C6orf132: variants seen among roughly 807,000 people sequenced by gnomAD.
C6orf132 encodes uncharacterized protein C6orf132.
C6orf132 carries 43 observed loss-of-function variants against 65.3 expected under a neutral mutation model. The ratio of observed to expected loss-of-function variants is 0.66; its 90% confidence interval spans 0.52 to 0.85. The LOEUF (loss-of-function observed/expected upper bound fraction) is 0.85. Among genes scored for constraint, C6orf132 ranks in the 40% least tolerant of loss-of-function variants. C6orf132 has a pLI of 0.00. For synonymous variants in C6orf132, 631 were observed against 654.1 expected (o/e 0.96, Z 0.54); for missense variants, 1,488 against 1,548.8 (o/e 0.96, Z 0.66).
At position 42,124,428 on chromosome 6, in the gene C6orf132, G is replaced by A. The variant is rs1766734955; in HGVS notation, c.252+4244C>T. Among the ~76,000 whole-genome samples, 1 of 152,232 alleles carries A rather than the reference G, an allele frequency of 6.6e-6. No homozygotes were observed. Among genetic ancestry groups the A allele is most frequent in the African/African-American group, 2.4e-5 (1 of 41,468 alleles). On this transcript the variant is annotated intron_variant, in intron 2 of 4. Coordinates refer to ENST00000341865, the MANE Select transcript of C6orf132 (RefSeq NM_001164446.3). This position sits in a 1 kb window ranked among gnomAD's most constrained non-coding sequence, Gnocchi z 4.0. ...CTGTAGGGCACTGACAGGGAGGGTAGGCTCAGAAGATGGCCCAGGCCTGGA... is the reference window on the plus strand; with the variant it reads ...CTGTAGGGCACTGACAGGGAGGGTAAGCTCAGAAGATGGCCCAGGCCTGGA...
chr6:42,123,288 C>A (rs1187020762), intron 2 of C6orf132, among the ~76,000 whole-genome samples: 3 of 151,764 alleles, frequency 2.0e-5, no homozygotes, highest in Non-Finnish European at 2.9e-5. Context: ...GAGGCTGAGG[C>A]AGGAGAATGG....
intron 2 of C6orf132, among the ~76,000 whole-genome samples, chr6:42,120,090 A>C (rs2127476522): frequency 6.6e-6 from 1 of 151,918 alleles, no homozygotes; most frequent in South Asian, 2.1e-4. Context: ...GCGAAACTCC[A>C]CCTCGAAAAC....
intron 2 of C6orf132, among the ~76,000 whole-genome samples, chr6:42,122,244 C>G (rs55920178): frequency 2.7e-5 from 4 of 150,074 alleles, no homozygotes. Flanking sequence ...GGTATTATGG[C>G]GGGCCCAGGT....
chr6:42,134,792 G>T, intron 1 of C6orf132, among the ~76,000 whole-genome samples: 2 of 126,060 alleles, frequency 1.6e-5, no homozygotes. Context: ...AAAAAAAAAA[G>T]ACCAGCCTGG....
Position 42,138,257 on chromosome 6 carries a change from C to T in C6orf132, c.145+4043G>A, listed in dbSNP as rs1045156830. Among the ~76,000 whole-genome samples, 3 of 152,200 alleles carry T rather than the reference C, an allele frequency of 2.0e-5. No homozygotes were observed. The South Asian group carries it at 6.2e-4, about 31-fold the overall frequency. Reference sequence around the variant, plus strand: ...TATCTCCCAGGCTCAAGCAATCCTCCTGCCTTGGCTTCCCAAAGTGCTGGG... The same window carrying T: ...TATCTCCCAGGCTCAAGCAATCCTCTTGCCTTGGCTTCCCAAAGTGCTGGG... On this transcript the variant is annotated intron_variant, in intron 1 of 4. Coordinates refer to ENST00000341865, the MANE Select transcript of C6orf132 (RefSeq NM_001164446.3).
chr6:42,118,108 A>C (rs540567737), intron 2 of C6orf132, among the ~76,000 whole-genome samples: 13 of 152,112 alleles, frequency 8.5e-5, no homozygotes, highest in Non-Finnish European at 1.9e-4. Context: ...GTCAGTCCAT[A>C]AAGTGTCCCT....
At chr6:42,107,692 G>T in intron 3 of C6orf132, 109 bp from the exon 4 acceptor site, 3 of 1,309,330 alleles carry the variant, frequency 2.3e-6, no homozygotes, top group Non-Finnish European at 2.1e-6. Context: ...AGAATGACTG[G>T]ATCATTTTCT....
chr6:42,105,105 G>A lies in C6orf132; in HGVS notation c.2807C>T (p.Thr936Ile), dbSNP rs749308841. 7.8e-6 allele frequency: 12 copies of A among 1,537,038 alleles called. No individual in the cohort carries two copies. The South Asian group carries it at 1.4e-4, about 18-fold the overall frequency. Residue 936 changes from threonine to isoleucine, a missense_variant, in exon 4 of 5, where the codon ACA becomes ATA. Transcript: ENST00000341865. ...GTELSRRHNW[T>I]KPEPQAPVAW... is the part of the protein sequence containing the mutation. ...CACAGGGGCCTGGGGCTCTGGCTTT[G>A]TCCAGTTGTGCCTGCGGCTCAGCTC...
At chr6:42,122,428 G>A (rs1336074489) in intron 2 of C6orf132, among the ~76,000 whole-genome samples, 6 of 152,198 alleles carry the variant, frequency 3.9e-5, no homozygotes, top group Admixed American at 2.6e-4. Context: ...ACAAAGAGGC[G>A]GCTGTTTATG....
At position 42,138,854 on chromosome 6, in the gene C6orf132, C is replaced by CACACACACACACAG. The variant is rs1190259955; in HGVS notation, c.145+3445_145+3446insCTGTGTGTGTGTGT. Among the ~76,000 whole-genome samples the CACACACACACACAG allele has an allele frequency of 8.5e-4, 127 of 149,806 alleles. 1 individual carries two copies. Among genetic ancestry groups the CACACACACACACAG allele is most frequent in the African/African-American group, 3.0e-3 (121 of 39,848 alleles). On this transcript the variant is annotated intron_variant, in intron 1 of 4. Coordinates refer to ENST00000341865, the MANE Select transcript of C6orf132 (RefSeq NM_001164446.3). ...CTCTGCTTTCTCATGCATTTAAACA[C>CACACACACACACAG]ACACACACACACACACACACACACA...
chr6:42,105,327 G>C lies in C6orf132; in HGVS notation c.2585C>G (p.Ser862Cys), dbSNP rs1766377541. 6.5e-7 allele frequency: 1 copy of C among 1,536,922 alleles called. No homozygotes were observed. Among genetic ancestry groups the C allele is most frequent in the East Asian group, 2.4e-5 (1 of 40,902 alleles). Reference sequence around the variant, plus strand: ...GTCACGGAGACTTCCTGGCAGAGAGGACCGACCCAGGGCAGCCCCTACAGA... The same window carrying C: ...GTCACGGAGACTTCCTGGCAGAGAGCACCGACCCAGGGCAGCCCCTACAGA... ...GRSVGAALGR[S>C]SLPGSLRDHS... The change falls in exon 4 of 5, where the codon TCC (serine) becomes TGC (cysteine). Residue 862 changes from serine to cysteine, a missense_variant. Transcript: ENST00000341865.
In C6orf132 at chr6:42,103,534, C is replaced by T; in HGVS notation, c.*227G>A. On this transcript the variant is annotated 3_prime_UTR_variant, in exon 5 of 5. Coordinates refer to ENST00000341865, the MANE Select transcript of C6orf132 (RefSeq NM_001164446.3). ...CTACCCTCCTTCCCCTCCCACCCCC[C>T]ACGTGTAAACAGTCCACAGTCACAC... 5.2e-6 allele frequency: 2 copies of T among 382,290 alleles called. No homozygotes were observed. Among genetic ancestry groups the T allele is most frequent in the Admixed American group, 4.5e-5 (1 of 22,240 alleles). 23.7% of individuals were successfully genotyped at this position (382,290 alleles called of 1,614,324 possible). A position where few individuals can be genotyped will look rare whatever the true frequency, so the allele number is the denominator to read the frequency against.
intron 1 of C6orf132, among the ~76,000 whole-genome samples, chr6:42,132,155 T>G (rs1010785182): frequency 3.3e-5 from 5 of 152,142 alleles, no homozygotes; most frequent in African/African-American, 1.2e-4. Flanking sequence ...ACACCTTAAT[T>G]GAGCCCACAG....
chr6:42,141,575 C>G (rs967653206), intron 1 of C6orf132, among the ~76,000 whole-genome samples: 2 of 152,226 alleles, frequency 1.3e-5, no homozygotes, highest in Non-Finnish European at 2.9e-5. Flanking sequence ...ATTCCAGGGT[C>G]AGCGGCAGCT....
rs187011781 is a variant in C6orf132, at chr6:42,124,630, G to A, written c.252+4042C>T. Among the ~76,000 whole-genome samples, 218 of 152,296 alleles carry A rather than the reference G, an allele frequency of 1.4e-3. No homozygotes were observed. Among genetic ancestry groups the A allele is most frequent in the Admixed American group, 3.6e-3 (55 of 15,304 alleles). ...CAGTGTCAGGCAGGGCTAGGCACCG[G>A]CCCAGCTCCCCACCCACCCTGACTT... On this transcript the variant is annotated intron_variant, in intron 2 of 4. Transcript: ENST00000341865. This position sits in a 1 kb window ranked among gnomAD's most constrained non-coding sequence, Gnocchi z 4.0.
At position 42,104,909 on chromosome 6, in the gene C6orf132, CG is replaced by C. The variant is rs1236078255; in HGVS notation, c.3002del (p.Pro1001ArgfsTer20). 6.9e-7 allele frequency: 1 copy of C among 1,454,400 alleles called. No homozygotes were observed. Among genetic ancestry groups the C allele is most frequent in the Non-Finnish European group, 9.0e-7 (1 of 1,107,562 alleles). The allele number at this position is 1,454,400 out of a possible 1,614,324, so 90.1% of individuals were successfully genotyped here. On this transcript the variant is annotated frameshift_variant, in exon 4 of 5. Coordinates refer to ENST00000341865, the MANE Select transcript of C6orf132 (RefSeq NM_001164446.3). LOFTEE classifies it high-confidence loss of function. The surrounding 1 kb of genome is among the most constrained non-coding windows in gnomAD (Gnocchi z 4.1). ...EFSNDPEPPA[P>X]ALQYLGRQSS... ...TCTGGCGGCCCAGATACTGGAGGGC[CG>C]GGGCCGGGGGCTCAGGGTCATTGCT...
chr6:42,131,211 G>A (rs1766847872), intron 1 of C6orf132, among the ~76,000 whole-genome samples: 1 of 151,944 alleles, frequency 6.6e-6, no homozygotes, highest in East Asian at 1.9e-4. Context: ...AGTAGAGATG[G>A]TGTTTCACCA....
chr6:42,112,976 T>C (rs2127474896), intron 2 of C6orf132, among the ~76,000 whole-genome samples: 1 of 149,168 alleles, frequency 6.7e-6, no homozygotes, highest in African/African-American at 2.5e-5. Context: ...AGCCATCAAC[T>C]TGTCTTTTTT....
chr6:42,126,846 G>GAAAAA, intron 2 of C6orf132: 1 of 320,994 alleles, frequency 3.1e-6, no homozygotes, highest in Non-Finnish European at 5.2e-6. Context: ...AACTCAGTCT[G>GAAAAA]CAAAAAAAAA....
Sources: gnomAD v4.1 joint callset for allele counts (sites outside exome capture counted in the v4.1 genomes callset) on GRCh38, gnomAD v4.1.1 for gene constraint, Gnocchi (gnomAD v3.1) non-coding constraint, MANE v1.5 for transcripts, NCBI Gene and HGNC (gene_info 2026-07-23, HGNC 2026-07-21) for gene names.